LAMA2: variants seen among roughly 807,000 people sequenced by gnomAD.
LAMA2 encodes the protein laminin subunit alpha-2.
LAMA2 carries 269 observed loss-of-function variants against 364.8 expected under a neutral mutation model. The ratio of observed to expected loss-of-function variants is 0.74; its 90% CI spans 0.67 to 0.82. The LOEUF (loss-of-function observed/expected upper bound fraction) is 0.82. Ranked by LOEUF, LAMA2 falls within the 40% of genes least tolerant of loss-of-function variation. The pLI is 0.00. For synonymous variants in LAMA2, 1,379 were observed against 1,370.6 expected (o/e 1.01, Z -0.14); for missense variants, 3,807 against 3,873.2 (o/e 0.98, Z 0.45).
At chr6:129,223,979 A>G (rs1004296663) in intron 12 of LAMA2, among the ~76,000 whole-genome samples, 11 of 152,236 alleles carry the variant, frequency 7.2e-5, no homozygotes, top group African/African-American at 2.7e-4. Context: ...ATCCATAAGC[A>G]TGGAATGTTC....
At chr6:129,440,536 A>G (rs1782053305) in intron 42 of LAMA2, among the ~76,000 whole-genome samples, 1 of 152,162 alleles carries the variant, frequency 6.6e-6, no homozygotes, top group Admixed American at 6.6e-5. Context: ...GAATAAGTTC[A>G]GCAGCAAATC....
chr6:129,099,137 T>TTG (rs1775366304), intron 4 of LAMA2, among the ~76,000 whole-genome samples: 2 of 148,592 alleles, frequency 1.3e-5, no homozygotes, highest in African/African-American at 2.5e-5. Context: ...TTTTTTTTTT[T>TTG]TTGTTTTCTG....
rs544099841 is a variant in LAMA2, at chr6:129,253,668, C to A, written c.2096+1373C>A. Among the ~76,000 whole-genome samples, 4 of 152,260 alleles carry A rather than the reference C, an allele frequency of 2.6e-5. No individual in the cohort carries two copies. In the South Asian group the frequency reaches 6.2e-4, roughly 24 times the overall value. ...GTCCTCCAGCTTTCAAAATGAATGA[C>A]AACCAAATTGACAAAAAAAGTGTCT... On this transcript the variant is annotated intron_variant, in intron 14 of 64. Coordinates refer to ENST00000421865, the MANE Select transcript of LAMA2 (RefSeq NM_000426.4).
At chr6:129,318,344 G>A (rs1447503526) in intron 27 of LAMA2, among the ~76,000 whole-genome samples, 2 of 151,906 alleles carry the variant, frequency 1.3e-5, no homozygotes, top group Non-Finnish European at 2.9e-5. Context: ...CATTTCAGTA[G>A]TTATTTAAAT....
chr6:129,387,845 T>C (rs1191102021), intron 35 of LAMA2, among the ~76,000 whole-genome samples: 1 of 152,168 alleles, frequency 6.6e-6, no homozygotes, highest in East Asian at 1.9e-4. Flanking sequence ...AAGTGGGAGT[T>C]GAACAGTGAG....
At chr6:129,349,534 T>C (rs1776743517) in intron 31 of LAMA2, 150 bp downstream of exon 31, 1 of 685,738 alleles carries the variant, frequency 1.5e-6, no homozygotes. Context: ...ACCACTTGTG[T>C]ATCTTAGAAT....
In LAMA2 at chr6:129,401,644, T is replaced by G. The variant is rs139069231; in HGVS notation, c.5562+304T>G. Among the ~76,000 whole-genome samples the G allele has an allele frequency of 3.9e-4, 59 of 152,328 alleles. 4 individuals carry two copies. Among genetic ancestry groups the G allele is most frequent in the African/African-American group, 1.4e-3 (58 of 41,588 alleles). On this transcript the variant is annotated intron_variant, in intron 38 of 64. Transcript: ENST00000421865. ...CTTACAATCTGCTTCAATATTTATATAACATTAGTTAAAAGACAAATGTAA... is the reference window on the plus strand; with the variant it reads ...CTTACAATCTGCTTCAATATTTATAGAACATTAGTTAAAAGACAAATGTAA...
At chr6:129,337,489 A>G (rs1776017451) in intron 29 of LAMA2, among the ~76,000 whole-genome samples, 1 of 152,158 alleles carries the variant, frequency 6.6e-6, no homozygotes, top group Non-Finnish European at 1.5e-5. Context: ...CTCACTGAAA[A>G]TTAGAATGCA....
chr6:128,886,047 A>G (rs1776132489), intron 1 of LAMA2, among the ~76,000 whole-genome samples: 1 of 152,356 alleles, frequency 6.6e-6, no homozygotes, highest in African/African-American at 2.4e-5. Flanking sequence ...AGAATATTGC[A>G]TAGTGGATTA....
At chr6:129,118,161 T>C (rs1776583369) in intron 4 of LAMA2, among the ~76,000 whole-genome samples, 1 of 152,228 alleles carries the variant, frequency 6.6e-6, no homozygotes, top group Admixed American at 6.5e-5. Flanking sequence ...AAATGTACAC[T>C]GAAATAGCTG....
chr6:129,048,770 A>G (rs947894930), intron 1 of LAMA2, among the ~76,000 whole-genome samples: 1 of 151,410 alleles, frequency 6.6e-6, no homozygotes, highest in African/African-American at 2.4e-5. Flanking sequence ...GCCCACCACC[A>G]CGCCCTGCTA....
intron 4 of LAMA2, among the ~76,000 whole-genome samples, chr6:129,139,121 TGGAATAATA>T (rs1411892403): frequency 2.6e-5 from 4 of 152,134 alleles, no homozygotes; most frequent in Non-Finnish European, 5.9e-5. Flanking sequence ...GGAAGACCAA[TGGAATAATA>T]GGAGCATTGT....
intron 40 of LAMA2, 72 bp downstream of exon 40, chr6:129,404,031 T>A: frequency 6.5e-7 from 1 of 1,538,864 alleles, no homozygotes; most frequent in African/African-American, 1.4e-5. Context: ...TAAGTCAGTC[T>A]GGAAAATCCC....
intron 40 of LAMA2, among the ~76,000 whole-genome samples, chr6:129,404,291 G>GA (rs11451502): frequency 0.49 from 74,637 of 151,104 alleles, 18,718 homozygotes; most frequent in African/African-American, 0.59. Flanking sequence ...TAGTAAAAAA[G>GA]AAAAAAAAGT....
intron 22 of LAMA2, among the ~76,000 whole-genome samples, chr6:129,305,379 C>G (rs1773801310): frequency 6.6e-6 from 1 of 151,074 alleles, no homozygotes; most frequent in African/African-American, 2.4e-5. Flanking sequence ...GGCTAGAGTG[C>G]AGTGGTGTGA....
intron 30 of LAMA2, among the ~76,000 whole-genome samples, chr6:129,343,300 G>A (rs1776368603): frequency 6.6e-6 from 1 of 152,126 alleles, no homozygotes; most frequent in African/African-American, 2.4e-5. Context: ...AGAGCAATTT[G>A]GACAATGTGA....
intron 49 of LAMA2, among the ~76,000 whole-genome samples, chr6:129,460,647 G>A (rs887703450): frequency 1.3e-5 from 2 of 151,934 alleles, no homozygotes; most frequent in African/African-American, 2.4e-5. Context: ...GTTTTTTTGT[G>A]TCTGTGAGTA....
chr6:128,887,857 G>C (rs912697316), intron 1 of LAMA2, among the ~76,000 whole-genome samples: 2 of 152,052 alleles, frequency 1.3e-5, no homozygotes, highest in Non-Finnish European at 2.9e-5. Context: ...GCAACAGAGG[G>C]AGACTCTATC....
intron 15 of LAMA2, among the ~76,000 whole-genome samples, chr6:129,264,659 G>C (rs1787376513): frequency 6.6e-6 from 1 of 152,136 alleles, no homozygotes; most frequent in Non-Finnish European, 1.5e-5. Flanking sequence ...CAAAGCAGAG[G>C]AGACAGCAAA....
Sources: gnomAD v4.1 joint callset for allele counts (sites outside exome capture counted in the v4.1 genomes callset) on GRCh38, gnomAD v4.1.1 for gene constraint, MANE v1.5 for transcripts, NCBI Gene and HGNC (gene_info 2026-07-23, HGNC 2026-07-21) for gene names.